SORCS3: variants seen among roughly 807,000 people sequenced by gnomAD.
The protein encoded by SORCS3 is sortilin related VPS10 domain containing receptor 3.
A neutral mutation model predicts 146.3 loss-of-function variants in SORCS3; 57 were observed. The observed-to-expected ratio is 0.39, with a 90% confidence interval of 0.31 to 0.49. The LOEUF (loss-of-function observed/expected upper bound fraction) is 0.49, where lower values mean the gene tolerates loss of function less well. Ranked by LOEUF, SORCS3 falls within the 20% of genes least tolerant of loss-of-function variation. SORCS3 has a pLI of 0.92. For synonymous variants in SORCS3, 653 were observed against 618.5 expected (o/e 1.06, Z -0.83); for missense variants, 1,341 against 1,575.5 (o/e 0.85, Z 2.52).
intron 6 of SORCS3, among the ~76,000 whole-genome samples, chr10:105,091,758 C>G (rs375745613): frequency 6.6e-6 from 1 of 152,066 alleles, no homozygotes; most frequent in East Asian, 1.9e-4. Context: ...ATTATATTAT[C>G]CAATTCTTAT....
chr10:105,246,936 T>C (rs1469521237), intron 21 of SORCS3, among the ~76,000 whole-genome samples: 2 of 152,246 alleles, frequency 1.3e-5, no homozygotes, highest in Admixed American at 6.5e-5. Flanking sequence ...CGTCTCCTTC[T>C]GGAGTTTCAT....
intron 1 of SORCS3, among the ~76,000 whole-genome samples, chr10:104,689,870 C>T (rs1252198309): frequency 2.0e-5 from 3 of 152,222 alleles, no homozygotes; most frequent in African/African-American, 7.2e-5. Flanking sequence ...AGACTGATTT[C>T]TCTGTAAACC....
chr10:105,110,750 T>C (rs934921143), intron 7 of SORCS3, among the ~76,000 whole-genome samples: 2 of 152,178 alleles, frequency 1.3e-5, no homozygotes, highest in Non-Finnish European at 2.9e-5. Context: ...TTCTTATTTT[T>C]CTTATTGCTT....
chr10:104,787,121 G>T (rs1331318620), intron 1 of SORCS3, among the ~76,000 whole-genome samples: 5 of 152,154 alleles, frequency 3.3e-5, no homozygotes, highest in African/African-American at 7.2e-5. Flanking sequence ...CAAGGAGCAG[G>T]AGCACACAGA....
At chr10:104,799,014 A>C (rs1172038709) in intron 1 of SORCS3, among the ~76,000 whole-genome samples, 2 of 152,208 alleles carry the variant, frequency 1.3e-5, no homozygotes, top group African/African-American at 2.4e-5. Flanking sequence ...GGTCAGTTAG[A>C]ATGGCAATCA....
rs114497110 is a variant in SORCS3, at chr10:105,015,250, T to A, written c.955-27805T>A. ...TTTGAAGCCAAATAAGTGTAAATTC[T>A]GCAATTGAACAACCTACTCCTGGAT... On this transcript the variant is annotated intron_variant, in intron 4 of 26. Transcript: ENST00000369701. 1.0e-3 allele frequency among the ~76,000 whole-genome samples: 159 copies of A among 152,302 alleles called. 1 individual carries two copies. Among genetic ancestry groups the A allele is most frequent in the African/African-American group, 3.7e-3 (155 of 41,564 alleles).
chr10:104,898,142 C>T (rs2018817690), intron 2 of SORCS3, among the ~76,000 whole-genome samples: 1 of 152,144 alleles, frequency 6.6e-6, no homozygotes, highest in South Asian at 2.1e-4. Context: ...TTCAGACACC[C>T]ACTTTGCCAC....
intron 5 of SORCS3, among the ~76,000 whole-genome samples, chr10:105,047,071 A>G (rs917210711): frequency 8.5e-5 from 13 of 152,152 alleles, no homozygotes; most frequent in Non-Finnish European, 1.8e-4. Context: ...ACTGAGCTAC[A>G]AATGAATAGT....
At chr10:104,731,313 C>T (rs141716391) in intron 1 of SORCS3, among the ~76,000 whole-genome samples, 15 of 152,258 alleles carry the variant, frequency 9.9e-5, no homozygotes, top group Admixed American at 9.2e-4. Flanking sequence ...GCTATCTTTT[C>T]GAAGGTTTTT....
At chr10:105,181,867 T>C (rs777540466) in intron 14 of SORCS3, among the ~76,000 whole-genome samples, 4 of 152,174 alleles carry the variant, frequency 2.6e-5, no homozygotes, top group Non-Finnish European at 5.9e-5. Context: ...GTCCACTATT[T>C]CATGAAAGGC....
At chr10:104,907,456 T>C (rs1019515391) in intron 2 of SORCS3, among the ~76,000 whole-genome samples, 12 of 152,164 alleles carry the variant, frequency 7.9e-5, no homozygotes, top group African/African-American at 2.7e-4. Flanking sequence ...AGAAAGAAAC[T>C]GAAGATCTGA....
intron 5 of SORCS3, among the ~76,000 whole-genome samples, chr10:105,057,300 A>T (rs959547622): frequency 8.5e-5 from 13 of 152,136 alleles, no homozygotes; most frequent in African/African-American, 3.1e-4. Context: ...TTTTTTAATG[A>T]CAGAAGACCA....
chr10:105,091,204 C>T (rs867139627), intron 6 of SORCS3, among the ~76,000 whole-genome samples: 5 of 130,628 alleles, frequency 3.8e-5, no homozygotes, highest in Middle Eastern at 4.1e-3. Flanking sequence ...TCCTTCCTTC[C>T]CTCCTTCCTT....
intron 9 of SORCS3, 94 bp from the exon 10 acceptor site, chr10:105,157,044 G>T: frequency 1.4e-6 from 2 of 1,420,284 alleles, no homozygotes; most frequent in Non-Finnish European, 1.9e-6. Context: ...ACCCCAACAT[G>T]CCGTGGGAAA....
intron 1 of SORCS3, among the ~76,000 whole-genome samples, chr10:104,787,895 C>G (rs1415516196): frequency 6.6e-6 from 1 of 152,174 alleles, no homozygotes. Flanking sequence ...GAAAACAGGG[C>G]TTACAATTGC....
chr10:104,933,442 A>G (rs1054506408), intron 3 of SORCS3, among the ~76,000 whole-genome samples: 11 of 152,184 alleles, frequency 7.2e-5, no homozygotes, highest in African/African-American at 1.9e-4. Flanking sequence ...CCAGAAGCTC[A>G]GAGCTCCCAG....
At chr10:104,970,376 A>C (rs2054853755) in intron 3 of SORCS3, among the ~76,000 whole-genome samples, 1 of 152,142 alleles carries the variant, frequency 6.6e-6, no homozygotes, top group Non-Finnish European at 1.5e-5. Flanking sequence ...TGAACTCCTG[A>C]CCTGAAGTGA....
At chr10:104,745,171 C>G (rs2016893000) in intron 1 of SORCS3, among the ~76,000 whole-genome samples, 1 of 152,138 alleles carries the variant, frequency 6.6e-6, no homozygotes, top group Non-Finnish European at 1.5e-5. Context: ...AGGGGGTTTC[C>G]TACTCAAGAT....
At chr10:105,142,392 A>G (rs1310690873) in intron 8 of SORCS3, among the ~76,000 whole-genome samples, 1 of 152,174 alleles carries the variant, frequency 6.6e-6, no homozygotes, top group Non-Finnish European at 1.5e-5. Context: ...TTGTTTACCT[A>G]TAAGACCAGA....
Sources: gnomAD v4.1 joint callset for allele counts (sites outside exome capture counted in the v4.1 genomes callset) on GRCh38, gnomAD v4.1.1 for gene constraint, MANE v1.5 for transcripts, NCBI Gene and HGNC (gene_info 2026-07-23, HGNC 2026-07-21) for gene names.